Variants in DENND5A observed in about 807,000 individuals in gnomAD.
DENND5A encodes DENN domain-containing protein 5A.
A neutral mutation model predicts 140.3 loss-of-function variants in DENND5A; 64 were observed. The ratio of observed to expected loss-of-function variants is 0.46; its 90% confidence interval spans 0.37 to 0.56. The LOEUF is 0.56. Ranked by LOEUF, DENND5A falls within the 20% of genes least tolerant of loss-of-function variation. DENND5A has a pLI of 0.00. For synonymous variants in DENND5A, 605 were observed against 607.7 expected (o/e 1.00, Z 0.07); for missense variants, 1,292 against 1,593.8 (o/e 0.81, Z 3.22).
chr11:9,144,656 G>A (rs1847362825), intron 18 of DENND5A, among the ~76,000 whole-genome samples: 1 of 152,062 alleles, frequency 6.6e-6, no homozygotes, highest in African/African-American at 2.4e-5. Flanking sequence ...GGGCGTGGTG[G>A]TGCATGCCTA....
At chr11:9,152,516 A>G (rs1350439919) in intron 12 of DENND5A, 74 bp from the exon 13 acceptor site, 1 of 1,017,612 alleles carries the variant, frequency 9.8e-7, no homozygotes, top group Non-Finnish European at 1.6e-6. Context: ...TACAGATAGA[A>G]GCTTTTGCTA....
At chr11:9,222,122 T>C (rs1161514145) in intron 1 of DENND5A, among the ~76,000 whole-genome samples, 2 of 152,214 alleles carry the variant, frequency 1.3e-5, no homozygotes, top group East Asian at 3.8e-4. Flanking sequence ...ATGAGCTTTT[T>C]CTAACATTTT....
At chr11:9,262,891 G>A (rs901814244) in intron 1 of DENND5A, among the ~76,000 whole-genome samples, 7 of 152,090 alleles carry the variant, frequency 4.6e-5, no homozygotes, top group South Asian at 2.1e-4. Flanking sequence ...ACAGGCGCCC[G>A]CCACCACGCC....
chr11:9,165,677 T>A (rs941623370), intron 11 of DENND5A, among the ~76,000 whole-genome samples, 159 bp downstream of exon 11: 1 of 152,170 alleles, frequency 6.6e-6, no homozygotes, highest in African/African-American at 2.4e-5. Flanking sequence ...CAAGCAATCC[T>A]CCTGCCATGG....
intron 6 of DENND5A, among the ~76,000 whole-genome samples, chr11:9,179,500 CT>C (rs55812362): frequency 2.5e-3 from 343 of 138,424 alleles, no homozygotes; most frequent in Middle Eastern, 3.7e-3. Flanking sequence ...GCAAAAAAAC[CT>C]TTTTTTTTTT....
At chr11:9,172,446 T>A (rs1389218088) in intron 8 of DENND5A, among the ~76,000 whole-genome samples, 1 of 152,224 alleles carries the variant, frequency 6.6e-6, no homozygotes, top group Non-Finnish European at 1.5e-5. Flanking sequence ...TTTGGCTCCA[T>A]GTCCGCACCC....
intron 1 of DENND5A, among the ~76,000 whole-genome samples, chr11:9,247,026 C>T (rs778600731): frequency 4.6e-5 from 7 of 152,014 alleles, no homozygotes; most frequent in African/African-American, 1.7e-4. Flanking sequence ...GTCAGGAGAT[C>T]GAGACCATCT....
chr11:9,144,313 G>C, intron 18 of DENND5A, 35 bp from the exon 19 acceptor site: 2 of 1,606,012 alleles, frequency 1.2e-6, no homozygotes, highest in East Asian at 2.2e-5. Flanking sequence ...AGAGCAGCCA[G>C]CTCCTCCCTG....
At chr11:9,168,788 T>C (rs1848272606) in intron 10 of DENND5A, among the ~76,000 whole-genome samples, 1 of 152,182 alleles carries the variant, frequency 6.6e-6, no homozygotes, top group Non-Finnish European at 1.5e-5. Flanking sequence ...ATGAAAACAG[T>C]ATGCCTTCTT....
intron 14 of DENND5A, 110 bp from the exon 15 acceptor site, chr11:9,150,319 C>T: frequency 7.8e-7 from 1 of 1,283,152 alleles, no homozygotes; most frequent in Non-Finnish European, 1.1e-6. Context: ...CTTATCTCAC[C>T]CTGGGAGAGC....
Position 9,178,235 on chromosome 11 carries a change from G to A in DENND5A, c.1803C>T (p.Leu601=), listed in dbSNP as rs755431745. ...CHDDDDKDPV[L]RVFDSRVDKI... is the part of the protein sequence containing the mutation. ...TGTCAACTCGGGAATCAAATACCCG[G>A]AGTACAGGGTCTTTATCATCATCAT... The change falls in exon 8 of 23, where the codon CTC becomes CTT. Residue 601 remains leucine, a synonymous_variant. Coordinates refer to ENST00000328194, the MANE Select transcript of DENND5A (RefSeq NM_015213.4). 4 of 1,613,754 alleles carry A rather than the reference G, an allele frequency of 2.5e-6. No homozygotes were observed. In the East Asian group the frequency reaches 6.7e-5, roughly 27 times the overall value.
At chr11:9,195,209 T>G (rs1849281958) in intron 4 of DENND5A, among the ~76,000 whole-genome samples, 1 of 151,618 alleles carries the variant, frequency 6.6e-6, no homozygotes, top group African/African-American at 2.4e-5. Flanking sequence ...GCCTCCTGAG[T>G]AGCTGGGATT....
At chr11:9,209,374 T>C (rs536624473) in intron 1 of DENND5A, among the ~76,000 whole-genome samples, 6 of 152,262 alleles carry the variant, frequency 3.9e-5, no homozygotes, top group South Asian at 2.1e-4. Flanking sequence ...AGATGAAGAA[T>C]GGAGCCAAAG....
chr11:9,207,553 G>A lies in DENND5A; in HGVS notation c.181+8C>T. On this transcript the variant is annotated splice_region_variant and intron_variant, in intron 2 of 22. Coordinates refer to ENST00000328194, the MANE Select transcript of DENND5A (RefSeq NM_015213.4). ...CTTTGGGTGTTCTCAATTTTGTTTT[G>A]TTTTTACCTTCAGTCGTACTTGAAA... 1 of 1,609,518 alleles carries A rather than the reference G, an allele frequency of 6.2e-7. No individual in the cohort carries two copies. The highest frequency in any genetic ancestry group is 1.1e-5 in the South Asian group (1 of 90,958).
At chr11:9,177,917 T>TCTA (rs1225117659) in intron 8 of DENND5A, 2 of 531,582 alleles carry the variant, frequency 3.8e-6, no homozygotes, top group Non-Finnish European at 6.7e-6. Flanking sequence ...GATTAGGGTC[T>TCTA]CTACTACATA....
In DENND5A at chr11:9,178,383, G is replaced by C. The variant is rs755412543; in HGVS notation, c.1672-17C>G. The C allele has an allele frequency of 4.0e-6, 6 of 1,515,572 alleles. No individual in the cohort carries two copies. The highest frequency in any genetic ancestry group is 5.5e-6 in the Non-Finnish European group (6 of 1,092,328). 93.9% of individuals were successfully genotyped at this position (1,515,572 alleles called of 1,614,324 possible). ...AAAAGATGCCTGGTGGGACCAAAAA[G>C]AAGCAGTAATTGACAGGGAAAAGGG... On this transcript the variant is annotated splice_polypyrimidine_tract_variant and intron_variant, in intron 7 of 22. Transcript: ENST00000328194.
At chr11:9,197,163 G>A (rs1461613958) in intron 4 of DENND5A, among the ~76,000 whole-genome samples, 1 of 151,104 alleles carries the variant, frequency 6.6e-6, no homozygotes, top group Admixed American at 6.6e-5. Flanking sequence ...AAATTAGCTG[G>A]GTATGGTGGC....
intron 1 of DENND5A, among the ~76,000 whole-genome samples, chr11:9,223,099 G>GT (rs1850378967): frequency 6.6e-6 from 1 of 152,192 alleles, no homozygotes; most frequent in Non-Finnish European, 1.5e-5. Flanking sequence ...AGTTAAAACT[G>GT]TAATAGCCGG....
At chr11:9,238,671 CCCAAAGT>C in intron 1 of DENND5A, among the ~76,000 whole-genome samples, 1 of 151,910 alleles carries the variant, frequency 6.6e-6, no homozygotes, top group African/African-American at 2.4e-5. Flanking sequence ...GCCTCGGCCT[CCCAAAGT>C]GCTGAGATTA....
Sources: gnomAD v4.1 joint callset for allele counts (sites outside exome capture counted in the v4.1 genomes callset) on GRCh38, gnomAD v4.1.1 for gene constraint, MANE v1.5 for transcripts, NCBI Gene and HGNC (gene_info 2026-07-23, HGNC 2026-07-21) for gene names.